ACTN1: variants seen among roughly 807,000 people sequenced by gnomAD.
ACTN1 encodes the protein alpha-actinin-1.
A neutral mutation model predicts 119.6 loss-of-function variants in ACTN1; 30 were observed. The ratio of observed to expected loss-of-function variants is 0.25; its 90% confidence interval spans 0.19 to 0.34. The LOEUF (loss-of-function observed/expected upper bound fraction) is 0.34, where lower values mean the gene tolerates loss of function less well. ACTN1 is among the 10% of genes least tolerant of loss of function. ACTN1 has a pLI of 1.00. For missense variants in ACTN1, 764 were observed against 1,223.4 expected, an observed-to-expected ratio of 0.62 and a Z score of 5.60; for synonymous variants, 429 against 472.6, an observed-to-expected ratio of 0.91 and a Z score of 1.20.
intron 1 of ACTN1, among the ~76,000 whole-genome samples, chr14:68,949,071 T>G (rs539567569): frequency 6.6e-6 from 1 of 152,292 alleles, no homozygotes; most frequent in East Asian, 1.9e-4. Context: ...AGAATTTTCC[T>G]CCAAAGGAAG....
chr14:68,952,471 A>T (rs1373279781), intron 1 of ACTN1, among the ~76,000 whole-genome samples: 2 of 152,182 alleles, frequency 1.3e-5, no homozygotes. Context: ...GATAAAATGG[A>T]TGTCACATGC....
chr14:68,977,555 T>C (rs1179970235), intron 1 of ACTN1: 2 of 211,040 alleles, frequency 9.5e-6, no homozygotes, highest in Non-Finnish European at 1.9e-5. Context: ...GGAAGCCCAT[T>C]GTGTGTGTTT....
rs774140867 is a variant in ACTN1 at position 68,925,501 on chromosome 14, A to G, written c.220+57T>C. Reference sequence around the variant, plus strand: ...TGCGCTCATAGGCAGAGCAGATGCCAAGGTGTCAGGCAGCACCAATAGACA... The same window carrying G: ...TGCGCTCATAGGCAGAGCAGATGCCGAGGTGTCAGGCAGCACCAATAGACA... On this transcript the variant is annotated intron_variant, in intron 2 of 21. Transcript: ENST00000394419. The surrounding 1 kb of genome is among the most constrained non-coding windows in gnomAD (Gnocchi z 4.3). 2 of 1,438,250 alleles carry G rather than the reference A, an allele frequency of 1.4e-6. No homozygotes were observed. The highest frequency in any genetic ancestry group is 1.9e-6 in the Non-Finnish European group (2 of 1,042,820). The allele number at this position is 1,438,250 out of a possible 1,614,324, so 89.1% of individuals were successfully genotyped here.
chr14:68,962,022 T>C (rs137893132), intron 1 of ACTN1, among the ~76,000 whole-genome samples: 39 of 152,220 alleles, frequency 2.6e-4, no homozygotes, highest in African/African-American at 8.7e-4. Flanking sequence ...AGTACAGCTG[T>C]GGCTGGTGTG....
intron 1 of ACTN1, among the ~76,000 whole-genome samples, chr14:68,969,225 A>C (rs2036801351): frequency 6.6e-6 from 1 of 152,256 alleles, no homozygotes; most frequent in African/African-American, 2.4e-5. Context: ...TTTGGAGCTA[A>C]AGTTGGGAAA....
At chr14:68,877,372 G>C (rs1031492706) in intron 20 of ACTN1, 132 bp from the exon 21 acceptor site, 1 of 1,157,156 alleles carries the variant, frequency 8.6e-7, no homozygotes, top group Non-Finnish European at 1.2e-6. Context: ...GACCTAACCT[G>C]GGTTGTCCTA....
intron 11 of ACTN1, among the ~76,000 whole-genome samples, chr14:68,889,640 TG>T (rs2032317493): frequency 6.6e-6 from 1 of 152,100 alleles, no homozygotes; most frequent in Non-Finnish European, 1.5e-5. Flanking sequence ...AAAAATCAGC[TG>T]GGAATGGTGG....
intron 3 of ACTN1, among the ~76,000 whole-genome samples, chr14:68,919,642 G>A (rs944285213): frequency 6.6e-6 from 1 of 152,210 alleles, no homozygotes; most frequent in Admixed American, 6.5e-5. Context: ...CACAGCTGGT[G>A]GGGGAGATGC....
intron 7 of ACTN1, among the ~76,000 whole-genome samples, chr14:68,903,126 T>G (rs1287503527): frequency 2.0e-5 from 3 of 152,158 alleles, no homozygotes; most frequent in Non-Finnish European, 4.4e-5. Flanking sequence ...TTAAGATACT[T>G]CAACAAAGAA....
At chr14:68,881,503 A>G (rs555118864) in intron 16 of ACTN1, among the ~76,000 whole-genome samples, 2 of 152,232 alleles carry the variant, frequency 1.3e-5, no homozygotes, top group African/African-American at 2.4e-5. Context: ...TCTGTCTGTT[A>G]TTCATCCATG....
intron 1 of ACTN1, chr14:68,936,541 T>A: frequency 2.4e-6 from 1 of 420,526 alleles, no homozygotes; most frequent in Non-Finnish European, 4.5e-6. Flanking sequence ...GAACAGTCTG[T>A]CTAGGGGGTG....
rs368726708 is a variant in ACTN1, at chr14:68,892,020, G to A, written c.1086+33C>T. ...GCAGCTCAGAGGTGGAGGCAGTCCA[G>A]TCTGGGGGCCCAGGCTCACCCCCAG... On this transcript the variant is annotated intron_variant, in intron 10 of 21. Transcript: ENST00000394419. The A allele has an allele frequency of 5.6e-6, 9 of 1,608,314 alleles. No homozygotes were observed. The African/African-American group carries it at 9.4e-5, about 17-fold the overall frequency.
chr14:68,936,948 G>T, intron 1 of ACTN1: 1 of 487,624 alleles, frequency 2.1e-6, no homozygotes. Flanking sequence ...CCTCTACAGA[G>T]GAAAAGATTG....
Position 68,890,234 on chromosome 14 carries a change from T to A in ACTN1, c.1139A>T (p.Glu380Val), listed in dbSNP as rs770489155. Residue 380 changes from glutamate (E) to valine (V), a missense_variant, in exon 11 of 22, where the codon GAG becomes GTG. Glu to Val is a moderately radical substitution (Grantham distance 121). Around this residue, in one of 4 missense-constraint regions of ACTN1, gnomAD observed 544 missense variants for 912.0 expected, o/e 0.60. Transcript: ENST00000394419. ...CLEQVEKGYE[E>V]WLLNEIRRLE... ...CCTCCGGATCTCATTCAGCAACCAC[T>A]CCTCATAGCCCTTCTCCACCTGCTC... The A allele has an allele frequency of 6.2e-7, 1 of 1,614,140 alleles. No homozygotes were observed. The highest frequency in any genetic ancestry group is 8.5e-7 in the Non-Finnish European group (1 of 1,180,020).
chr14:68,956,796 C>CCT (rs144840579), intron 1 of ACTN1, among the ~76,000 whole-genome samples: 9 of 151,276 alleles, frequency 5.9e-5, no homozygotes, highest in East Asian at 1.9e-4. Flanking sequence ...TCCTCAAGTC[C>CCT]CTCTCTCTCT....
intron 8 of ACTN1, among the ~76,000 whole-genome samples, chr14:68,900,510 G>A (rs1446183527): frequency 6.6e-6 from 1 of 151,820 alleles, no homozygotes; most frequent in Non-Finnish European, 1.5e-5. Context: ...AGAGAGGGAA[G>A]AGGTCCTGGA....
At chr14:68,954,631 A>G (rs1417824530) in intron 1 of ACTN1, among the ~76,000 whole-genome samples, 3 of 152,148 alleles carry the variant, frequency 2.0e-5, no homozygotes, top group Admixed American at 2.0e-4. Context: ...CGGCCCATAC[A>G]GAGAATATTT....
At chr14:68,945,345 T>C (rs1228891950) in intron 1 of ACTN1, among the ~76,000 whole-genome samples, 1 of 151,576 alleles carries the variant, frequency 6.6e-6, no homozygotes, top group Non-Finnish European at 1.5e-5. Context: ...ACATGGGTGT[T>C]CGGGTTCCTG....
intron 16 of ACTN1, among the ~76,000 whole-genome samples, chr14:68,881,369 C>G (rs1321164341): frequency 1.3e-5 from 2 of 152,118 alleles, no homozygotes; most frequent in African/African-American, 4.8e-5. Context: ...TCCTCGTAGC[C>G]TCGGCAGACC....
Sources: allele counts gnomAD v4.1 joint callset (sites outside exome capture counted in the v4.1 genomes callset), GRCh38; gene constraint gnomAD v4.1.1; regional missense constraint gnomAD v4.1.1; non-coding constraint Gnocchi (gnomAD v3.1); transcripts MANE v1.5; gene names NCBI Gene and HGNC (gene_info 2026-07-23, HGNC 2026-07-21).